Variants in RABGAP1L observed in about 807,000 individuals in gnomAD.
RABGAP1L encodes rab GTPase-activating protein 1-like.
RABGAP1L carries 63 observed loss-of-function variants against 137.7 expected under a neutral mutation model. The observed-to-expected ratio is 0.46, with a 90% CI of 0.37 to 0.56. The LOEUF (loss-of-function observed/expected upper bound fraction) is 0.56. Among genes scored for constraint, RABGAP1L ranks in the 20% least tolerant of loss-of-function variants. The pLI, the probability that RABGAP1L is intolerant of heterozygous loss-of-function variation, is 0.00. For synonymous variants in RABGAP1L, 431 were observed against 433.7 expected (o/e 0.99, Z 0.08); for missense variants, 1,095 against 1,244.0 (o/e 0.88, Z 1.80).
chr1:174,557,911 G>T (rs1666981133), intron 13 of RABGAP1L, among the ~76,000 whole-genome samples: 1 of 152,208 alleles, frequency 6.6e-6, no homozygotes, highest in Admixed American at 6.5e-5. Context: ...TTATCAGAGG[G>T]CAGGCAGTTC....
chr1:174,972,950 A>G (rs2149370822), intron 21 of RABGAP1L, among the ~76,000 whole-genome samples: 1 of 152,184 alleles, frequency 6.6e-6, no homozygotes, highest in South Asian at 2.1e-4. Context: ...GCTCAAAGGT[A>G]GAATTTGTGT....
At chr1:174,678,513 T>C (rs1216554479) in intron 14 of RABGAP1L, among the ~76,000 whole-genome samples, 1 of 152,028 alleles carries the variant, frequency 6.6e-6, no homozygotes, top group Admixed American at 6.5e-5. Context: ...ATATAAAGGA[T>C]AATAACTCTT....
At chr1:174,614,930 A>G (rs756039256) in intron 13 of RABGAP1L, among the ~76,000 whole-genome samples, 1 of 152,136 alleles carries the variant, frequency 6.6e-6, no homozygotes, top group Non-Finnish European at 1.5e-5. Context: ...CAGCTCCATC[A>G]GCTCCTTTAA....
At chr1:174,722,909 A>G (rs1681687962) in intron 17 of RABGAP1L, among the ~76,000 whole-genome samples, 1 of 152,084 alleles carries the variant, frequency 6.6e-6, no homozygotes, top group Non-Finnish European at 1.5e-5. Context: ...TTTTGGCTCT[A>G]TTTTGGCCTC....
rs563685473 is a variant in RABGAP1L at position 174,377,393 on chromosome 1, A to G, written c.1559+6321A>G. 2.6e-5 allele frequency among the ~76,000 whole-genome samples: 4 copies of G among 152,318 alleles called. No individual in the cohort carries two copies. In the South Asian group the frequency reaches 8.3e-4, roughly 32 times the overall value. Reference sequence around the variant, plus strand: ...AGGAAGCAGAGTAACTAGAATAGCCAAAACAATTTTGAAAGTGAAGAACAC... The same window carrying G: ...AGGAAGCAGAGTAACTAGAATAGCCGAAACAATTTTGAAAGTGAAGAACAC... On this transcript the variant is annotated intron_variant, in intron 12 of 25. Coordinates refer to ENST00000681986, the MANE Select transcript of RABGAP1L (RefSeq NM_001366446.1).
At chr1:174,264,100 TAA>T (rs1200381181) in intron 7 of RABGAP1L, among the ~76,000 whole-genome samples, 2 of 152,022 alleles carry the variant, frequency 1.3e-5, no homozygotes, top group Non-Finnish European at 2.9e-5. Context: ...AGCAATTAAT[TAA>T]AAGTTAAATA....
chr1:174,693,464 T>A (rs1289844135), intron 15 of RABGAP1L, among the ~76,000 whole-genome samples: 2 of 152,238 alleles, frequency 1.3e-5, no homozygotes, highest in Non-Finnish European at 2.9e-5. Flanking sequence ...CACTTTCTGG[T>A]TATGTTACCA....
chr1:174,426,461 A>G (rs1651973481), intron 13 of RABGAP1L, among the ~76,000 whole-genome samples: 1 of 151,984 alleles, frequency 6.6e-6, no homozygotes, highest in South Asian at 2.1e-4. Flanking sequence ...TTCTATTACA[A>G]ATACGTCTTA....
chr1:174,321,411 A>G (rs752634089), intron 11 of RABGAP1L, among the ~76,000 whole-genome samples: 2 of 152,100 alleles, frequency 1.3e-5, no homozygotes, highest in East Asian at 1.9e-4. Flanking sequence ...GAAAATTGCT[A>G]ATAAAAACTT....
chr1:174,374,426 G>A (rs1367250403), intron 12 of RABGAP1L, among the ~76,000 whole-genome samples: 2 of 151,882 alleles, frequency 1.3e-5, no homozygotes, highest in Admixed American at 1.3e-4. Flanking sequence ...TACTTTTTAC[G>A]GGCCCAACAC....
chr1:174,719,505 G>A (rs554344549), intron 17 of RABGAP1L, among the ~76,000 whole-genome samples: 194 of 152,222 alleles, frequency 1.3e-3, no homozygotes, highest in Admixed American at 2.7e-3. Flanking sequence ...ATTTAATCTA[G>A]CATTTGGATA....
At chr1:174,677,428 T>C (rs1016963732) in intron 14 of RABGAP1L, among the ~76,000 whole-genome samples, 11 of 152,256 alleles carry the variant, frequency 7.2e-5, no homozygotes, top group African/African-American at 2.7e-4. Flanking sequence ...TGTTACAAAT[T>C]ACTGGAGGCA....
intron 13 of RABGAP1L, among the ~76,000 whole-genome samples, chr1:174,410,750 G>T (rs545230873): frequency 6.6e-6 from 1 of 152,036 alleles, no homozygotes; most frequent in Non-Finnish European, 1.5e-5. Context: ...ATGAATTTTA[G>T]AATAGTTTTT....
Position 174,811,963 on chromosome 1 carries a change from A to G in RABGAP1L, c.2340+3A>G. 6.3e-7 allele frequency: 1 copy of G among 1,586,432 alleles called. No individual in the cohort carries two copies. The highest frequency in any genetic ancestry group is 8.6e-7 in the Non-Finnish European group (1 of 1,169,026). On this transcript the variant is annotated splice_donor_region_variant and intron_variant, in intron 19 of 25. Transcript: ENST00000681986. ...TGGAGCAGGCTTGCAATATTAAAGT[A>G]AGAACATGAGTTTTTATATAATAAA...
chr1:174,494,088 G>GT (rs1329467339), intron 13 of RABGAP1L, among the ~76,000 whole-genome samples: 1 of 152,112 alleles, frequency 6.6e-6, no homozygotes, highest in East Asian at 1.9e-4. Flanking sequence ...ATCGTGTATA[G>GT]TTTTTTAAGA....
intron 12 of RABGAP1L, among the ~76,000 whole-genome samples, chr1:174,372,232 G>A: frequency 6.6e-6 from 1 of 151,846 alleles, no homozygotes; most frequent in East Asian, 1.9e-4. Context: ...TATGAGCATG[G>A]ACCACCCAGA....
At chr1:174,371,417 G>T (rs1685103726) in intron 12 of RABGAP1L, among the ~76,000 whole-genome samples, 1 of 151,912 alleles carries the variant, frequency 6.6e-6, no homozygotes, top group Non-Finnish European at 1.5e-5. Flanking sequence ...TACTGTTAAA[G>T]GGTTATGTTT....
At chr1:174,414,350 T>A (rs981217242) in intron 13 of RABGAP1L, among the ~76,000 whole-genome samples, 4 of 152,136 alleles carry the variant, frequency 2.6e-5, no homozygotes, top group Non-Finnish European at 4.4e-5. Flanking sequence ...TATGTGTTGT[T>A]TTTTATTTGC....
intron 19 of RABGAP1L, among the ~76,000 whole-genome samples, chr1:174,814,143 C>T (rs1286256638): frequency 1.3e-5 from 2 of 151,924 alleles, no homozygotes; most frequent in Admixed American, 6.6e-5. Context: ...GATGGAGAAG[C>T]GTAAAATGTT....
Sources: gnomAD v4.1 joint callset for allele counts (sites outside exome capture counted in the v4.1 genomes callset) on GRCh38, gnomAD v4.1.1 for gene constraint, MANE v1.5 for transcripts, NCBI Gene and HGNC (gene_info 2026-07-23, HGNC 2026-07-21) for gene names.